RANBP2: variants seen among roughly 807,000 people sequenced by gnomAD.
RANBP2 encodes the protein E3 SUMO-protein ligase RanBP2.
In RANBP2, 57 loss-of-function variants were observed where a neutral mutation model predicts 303.6. The ratio of observed to expected loss-of-function variants is 0.19; its 90% CI spans 0.15 to 0.23. The LOEUF is 0.23. Ranked by LOEUF, RANBP2 falls within the 10% of genes least tolerant of loss-of-function variation. The pLI is 1.00. For synonymous variants in RANBP2, 1,167 were observed against 1,301.5 expected (o/e 0.90, Z 2.23); for missense variants, 3,138 against 3,780.8 (o/e 0.83, Z 4.46).
chr2:108,818,227 A>G, the RANBP2 span, among the ~76,000 whole-genome samples: 7 of 151,980 alleles, frequency 4.6e-5, no homozygotes, highest in African/African-American at 1.7e-4. Flanking sequence ...GATCACCTGA[A>G]CCTGGGGGGG....
At chr2:109,362,304 G>T in the RANBP2 span, among the ~76,000 whole-genome samples, 2 of 152,060 alleles carry the variant, frequency 1.3e-5, no homozygotes, top group African/African-American at 4.8e-5. Context: ...AATTTCTCTT[G>T]AGAGTTTTTC....
the RANBP2 span, chr2:109,618,894 A>C: frequency 6.0e-6 from 1 of 167,066 alleles, no homozygotes. Flanking sequence ...CTTGGAGTCT[A>C]GGTTGCCTTG....
the RANBP2 span, among the ~76,000 whole-genome samples, chr2:109,082,512 G>A: frequency 6.6e-6 from 1 of 151,984 alleles, no homozygotes; most frequent in South Asian, 2.1e-4. Flanking sequence ...TGCTGGACAG[G>A]CTAGTGTCGA....
the RANBP2 span, among the ~76,000 whole-genome samples, chr2:109,047,510 A>G: frequency 1.3e-5 from 2 of 152,160 alleles, no homozygotes; most frequent in Non-Finnish European, 2.9e-5. Context: ...CAAACAAACA[A>G]ACAAACAAAC....
At chr2:109,287,130 T>C in the RANBP2 span, among the ~76,000 whole-genome samples, 1 of 152,172 alleles carries the variant, frequency 6.6e-6, no homozygotes, top group African/African-American at 2.4e-5. Context: ...ATTGGCCTCA[T>C]GGGGGGTTGT....
the RANBP2 span, among the ~76,000 whole-genome samples, chr2:108,809,094 G>T: frequency 6.6e-6 from 1 of 152,076 alleles, no homozygotes; most frequent in African/African-American, 2.4e-5. Flanking sequence ...TATTAATGTT[G>T]TTGGCACCTT....
chr2:109,419,567 C>T, the RANBP2 span: 1 of 1,598,720 alleles, frequency 6.3e-7, no homozygotes, highest in Non-Finnish European at 8.5e-7. Context: ...GGATCTACCC[C>T]CACGGCTGTC....
At chr2:109,712,205 C>T in the RANBP2 span, among the ~76,000 whole-genome samples, 3 of 152,136 alleles carry the variant, frequency 2.0e-5, no homozygotes, top group Non-Finnish European at 4.4e-5. Context: ...CTGCCCTGGC[C>T]GGCTGTGTCA....
At chr2:109,046,475 C>T in the RANBP2 span, among the ~76,000 whole-genome samples, 4 of 145,532 alleles carry the variant, frequency 2.7e-5, no homozygotes, top group African/African-American at 7.7e-5. Context: ...GGCATGGTCT[C>T]GGCTCACTGC....
chr2:109,196,625 C>G, the RANBP2 span, among the ~76,000 whole-genome samples: 243 of 152,286 alleles, frequency 1.6e-3, no homozygotes, highest in African/African-American at 5.1e-3. Context: ...AGTGCTGCTG[C>G]GCTGTGGTTG....
chr2:108,836,812 A>G, the RANBP2 span, among the ~76,000 whole-genome samples: 1 of 151,622 alleles, frequency 6.6e-6, no homozygotes, highest in South Asian at 2.1e-4. Flanking sequence ...ATTTTCATTC[A>G]TTTTGATGCT....
the RANBP2 span, among the ~76,000 whole-genome samples, chr2:108,963,452 T>C: frequency 1.3e-5 from 2 of 152,148 alleles, no homozygotes; most frequent in East Asian, 1.9e-4. Context: ...TATTTGAAAG[T>C]GGATTCACGT....
chr2:108,811,334 T>A, the RANBP2 span, among the ~76,000 whole-genome samples: 1 of 142,700 alleles, frequency 7.0e-6, no homozygotes, highest in Non-Finnish European at 1.5e-5. Context: ...AGCCTTAACC[T>A]CCAGGGCTTA....
intron 6 of RANBP2, among the ~76,000 whole-genome samples, 168 bp downstream of exon 6, chr2:108,736,417 G>A (rs2949975): frequency 9.2e-5 from 14 of 152,120 alleles, no homozygotes; most frequent in South Asian, 8.3e-4. Context: ...CTTCTTTTAC[G>A]GGGAAGTTCT....
chr2:108,944,356 C>T, the RANBP2 span, among the ~76,000 whole-genome samples: 1 of 152,220 alleles, frequency 6.6e-6, no homozygotes, highest in East Asian at 1.9e-4. Flanking sequence ...TCAGGTAATC[C>T]ACCCGCCTTG....
At chr2:109,671,460 G>A in the RANBP2 span, among the ~76,000 whole-genome samples, 1 of 152,134 alleles carries the variant, frequency 6.6e-6, no homozygotes, top group African/African-American at 2.4e-5. Context: ...TCAGGGTTCG[G>A]CTGGCCTGGC....
the RANBP2 span, among the ~76,000 whole-genome samples, chr2:109,044,480 G>A: frequency 4.6e-5 from 7 of 152,134 alleles, no homozygotes; most frequent in Middle Eastern, 3.4e-3. Context: ...CCGAGATGGC[G>A]CCACTGCACT....
At chr2:108,900,006 C>T in the RANBP2 span, among the ~76,000 whole-genome samples, 1 of 151,988 alleles carries the variant, frequency 6.6e-6, no homozygotes, top group East Asian at 1.9e-4. Flanking sequence ...ATAATAATAA[C>T]ACCAGTAGAC....
At chr2:109,186,970 C>T in the RANBP2 span, among the ~76,000 whole-genome samples, 1 of 152,188 alleles carries the variant, frequency 6.6e-6, no homozygotes, top group Non-Finnish European at 1.5e-5. Context: ...GCCTCCCCAA[C>T]CTGTGCCCCT....
Sources: allele counts gnomAD v4.1 joint callset (sites outside exome capture counted in the v4.1 genomes callset), GRCh38; gene constraint gnomAD v4.1.1; transcripts MANE v1.5; gene names NCBI Gene and HGNC (gene_info 2026-07-23, HGNC 2026-07-21).